The following GAB1 variants were observed in gnomAD, a reference collection of about 807,000 sequenced individuals.
The protein encoded by GAB1 is GRB2 associated binding protein 1.
In GAB1, 19 loss-of-function variants were observed where a neutral mutation model predicts 66.5. The ratio of observed to expected loss-of-function variants is 0.29; its 90% CI spans 0.20 to 0.42. GAB1 has a LOEUF of 0.42. Ranked by LOEUF, GAB1 falls within the 10% of genes least tolerant of loss-of-function variation. The probability of loss-of-function intolerance (pLI) is 1.00; values close to 1 mark genes in which losing one functional copy is unlikely to be tolerated. For synonymous variants in GAB1, 294 were observed against 301.4 expected (o/e 0.98, Z 0.25); for missense variants, 732 against 858.5 (o/e 0.85, Z 1.84).
chr4:143,429,819 A>G (rs1172092040), intron 2 of GAB1, among the ~76,000 whole-genome samples: 1 of 152,252 alleles, frequency 6.6e-6, no homozygotes, highest in East Asian at 1.9e-4. Context: ...CCATATTGCT[A>G]TAAGTTAAGA....
chr4:143,399,192 A>G (rs1189573735), intron 1 of GAB1, among the ~76,000 whole-genome samples: 1 of 152,258 alleles, frequency 6.6e-6, no homozygotes, highest in African/African-American at 2.4e-5. Context: ...TGGCCAGACC[A>G]TGTCAGTCTA....
intron 6 of GAB1, among the ~76,000 whole-genome samples, chr4:143,448,971 G>A (rs1734733216): frequency 6.6e-6 from 1 of 152,122 alleles, no homozygotes; most frequent in Admixed American, 6.6e-5. Flanking sequence ...ATGTGTCCCA[G>A]AGATTCTGGT....
chr4:143,401,459 TTGAG>T (rs1460336132), intron 1 of GAB1, among the ~76,000 whole-genome samples: 2 of 152,180 alleles, frequency 1.3e-5, no homozygotes, highest in African/African-American at 4.8e-5. Context: ...AGAACATTCA[TTGAG>T]TGATAATTAA....
intron 1 of GAB1, among the ~76,000 whole-genome samples, chr4:143,388,587 G>A (rs183838545): frequency 1.3e-3 from 197 of 152,178 alleles, no homozygotes; most frequent in African/African-American, 4.6e-3. Flanking sequence ...GCTAATTTTT[G>A]TATTTTTGGT....
intron 1 of GAB1, chr4:143,349,953 G>T (rs1471953486): frequency 7.5e-6 from 12 of 1,595,138 alleles, no homozygotes; most frequent in Non-Finnish European, 9.4e-6. Context: ...CCTTGACCAA[G>T]CGGCCCAACT....
At chr4:143,412,815 T>C (rs1254695113) in intron 1 of GAB1, among the ~76,000 whole-genome samples, 2 of 152,042 alleles carry the variant, frequency 1.3e-5, no homozygotes, top group Non-Finnish European at 2.9e-5. Context: ...AACCCTATTA[T>C]TGGAGGGGGA....
intron 1 of GAB1, among the ~76,000 whole-genome samples, chr4:143,356,603 C>T (rs1440738455): frequency 2.0e-5 from 3 of 152,144 alleles, no homozygotes; most frequent in African/African-American, 4.8e-5. Context: ...GGCAGTTGCT[C>T]AGCCAACAGT....
At chr4:143,443,996 C>T (rs1734375994) in intron 6 of GAB1, among the ~76,000 whole-genome samples, 1 of 151,968 alleles carries the variant, frequency 6.6e-6, no homozygotes, top group African/African-American at 2.4e-5. Context: ...TGTTTTGAGC[C>T]AAGTTTTGTG....
chr4:143,341,119 G>C (rs1051017240), intron 1 of GAB1, among the ~76,000 whole-genome samples: 6 of 152,136 alleles, frequency 3.9e-5, no homozygotes, highest in Admixed American at 3.3e-4. Context: ...TTAAAATGTA[G>C]GTGAAAATTT....
chr4:143,436,072 A>T (rs1434587407), intron 3 of GAB1, among the ~76,000 whole-genome samples: 2 of 152,218 alleles, frequency 1.3e-5, no homozygotes, highest in Non-Finnish European at 2.9e-5. Context: ...TGAAGTACAA[A>T]TTTTAGAATA....
intron 1 of GAB1, among the ~76,000 whole-genome samples, chr4:143,370,246 T>C (rs1730059034): frequency 6.6e-6 from 1 of 152,206 alleles, no homozygotes; most frequent in Non-Finnish European, 1.5e-5. Flanking sequence ...AACCACTGGC[T>C]GTGTACAAAT....
At chr4:143,424,115 G>A (rs978976836) in intron 2 of GAB1, among the ~76,000 whole-genome samples, 1 of 152,030 alleles carries the variant, frequency 6.6e-6, no homozygotes, top group African/African-American at 2.4e-5. Flanking sequence ...TGTTAAAAGT[G>A]TATCTGTAAA....
chr4:143,358,850 T>G (rs952337303), intron 1 of GAB1, among the ~76,000 whole-genome samples: 1 of 152,200 alleles, frequency 6.6e-6, no homozygotes, highest in African/African-American at 2.4e-5. Flanking sequence ...TACGTAGAAT[T>G]TTTTGAATTG....
chr4:143,402,287 T>G (rs1401284258), intron 1 of GAB1, among the ~76,000 whole-genome samples: 4 of 152,162 alleles, frequency 2.6e-5, no homozygotes, highest in African/African-American at 9.7e-5. Context: ...CATTATGGAT[T>G]TTAGTTGGAA....
At position 143,440,103 on chromosome 4, in the gene GAB1, G is replaced by C. The variant is rs376615337; in HGVS notation, c.1306G>C (p.Gly436Arg). The C allele has an allele frequency of 1.2e-6, 2 of 1,613,936 alleles. No homozygotes were observed. Reference sequence around the variant, plus strand: ...GAAAGTCAAAAATGTGTTGACAGTGGGAAGTGTTTCAAGTGAAGAACTGGA... The same window carrying C: ...GAAAGTCAAAAATGTGTTGACAGTGCGAAGTGTTTCAAGTGAAGAACTGGA... Reference protein sequence around the residue: ...HFKVKNVLTVGSVSSEELDEN... With the variant: ...HFKVKNVLTVRSVSSEELDEN... The change falls in exon 6 of 10, where the codon GGA becomes CGA. Residue 436 changes from glycine (G) to arginine (R), a missense_variant. By Grantham distance (125) the Gly-to-Arg change is moderately radical. Transcript: ENST00000262994.
intron 1 of GAB1, among the ~76,000 whole-genome samples, chr4:143,345,844 G>A (rs1456761798): frequency 3.9e-5 from 6 of 152,200 alleles, no homozygotes; most frequent in East Asian, 1.9e-4. Flanking sequence ...TTTGTGAAAC[G>A]AAATCCTGGA....
chr4:143,425,354 C>T, intron 2 of GAB1: 1 of 763,876 alleles, frequency 1.3e-6, no homozygotes, highest in South Asian at 1.3e-5. Context: ...TTGCTGGTCA[C>T]TTCACTCCTG....
intron 1 of GAB1, among the ~76,000 whole-genome samples, chr4:143,341,813 T>A (rs977776930): frequency 5.9e-5 from 9 of 152,114 alleles, no homozygotes; most frequent in African/African-American, 1.9e-4. Flanking sequence ...ATCTCCTTGG[T>A]TCAAGGACAA....
chr4:143,339,264 C>G (rs769653516), intron 1 of GAB1, among the ~76,000 whole-genome samples: 2 of 152,246 alleles, frequency 1.3e-5, no homozygotes, highest in Non-Finnish European at 2.9e-5. Context: ...CACCTGTAAT[C>G]CCAGCACTTT....
Sources: gnomAD v4.1 joint callset for allele counts (sites outside exome capture counted in the v4.1 genomes callset) on GRCh38, gnomAD v4.1.1 for gene constraint, MANE v1.5 for transcripts, NCBI Gene and HGNC (gene_info 2026-07-23, HGNC 2026-07-21) for gene names.